The following DRC4 variants were observed in gnomAD, a reference collection of about 807,000 sequenced individuals.
The protein encoded by DRC4 is dynein regulatory complex subunit 4, also known as GAS-11.
chr16:90,020,004 C>A, the DRC4 span: 2 of 699,826 alleles, frequency 2.9e-6, no homozygotes. Flanking sequence ...AGCGCCAAGG[C>A]AGTTTCGATG....
At chr16:90,028,713 G>A in the DRC4 span, among the ~76,000 whole-genome samples, 3 of 152,136 alleles carry the variant, frequency 2.0e-5, no homozygotes, top group South Asian at 2.1e-4. Context: ...TGGCAAGCAC[G>A]GTGCACCCTC....
chr16:90,028,820 T>C, the DRC4 span: 6 of 734,166 alleles, frequency 8.2e-6, 1 homozygote, highest in South Asian at 1.1e-4. Context: ...CTTACCTTCT[T>C]TTGATAGTTG....
chr16:90,042,533 A>G, the DRC4 span: 31 of 1,613,134 alleles, frequency 1.9e-5, no homozygotes, highest in Non-Finnish European at 2.5e-5. Context: ...CCAGGTCTGT[A>G]AGGTACGGCT....
the DRC4 span, chr16:90,020,204 C>G: frequency 2.0e-6 from 1 of 490,042 alleles, no homozygotes; most frequent in African/African-American, 2.0e-5. Context: ...TTTGCAGGAG[C>G]ATTGACTCAT....
chr16:90,023,363 G>C, the DRC4 span, among the ~76,000 whole-genome samples: 2 of 152,288 alleles, frequency 1.3e-5, no homozygotes, highest in East Asian at 3.9e-4. Context: ...GGCCTCATCA[G>C]CTCCATGTCT....
the DRC4 span, chr16:90,020,142 T>A: frequency 3.6e-6 from 2 of 559,312 alleles, no homozygotes; most frequent in Non-Finnish European, 6.4e-6. Context: ...ATATACACAT[T>A]AGATCATTGC....
chr16:90,028,432 C>T, the DRC4 span, among the ~76,000 whole-genome samples: 4 of 151,998 alleles, frequency 2.6e-5, no homozygotes, highest in African/African-American at 9.7e-5. Flanking sequence ...TCGTGATCCA[C>T]TCGCCTCGGC....
chr16:90,025,870 C>CA, the DRC4 span, among the ~76,000 whole-genome samples: 2,155 of 84,476 alleles, frequency 0.026, 53 homozygotes, highest in African/African-American at 0.08. Context: ...GACTCCATCT[C>CA]AAAAAAAAAA....
At chr16:90,035,763 CTTG>C in the DRC4 span, 1 of 1,613,292 alleles carries the variant, frequency 6.2e-7, no homozygotes, top group East Asian at 2.2e-5. Context: ...ACCTCCAGAG[CTTG>C]TTAACTCAGG....
chr16:90,035,515 G>C, the DRC4 span: 1 of 1,308,162 alleles, frequency 7.6e-7, no homozygotes, highest in Non-Finnish European at 1.1e-6. Context: ...CTTTAGTTGA[G>C]GGAGGTGAGT....
the DRC4 span, chr16:90,042,461 TCTC>T: frequency 3.7e-6 from 6 of 1,613,424 alleles, no homozygotes; most frequent in South Asian, 3.3e-5. Flanking sequence ...ATCACCTCTC[TCTC>T]CTCAGGATGT....
the DRC4 span, chr16:90,036,402 A>C: frequency 6.2e-7 from 1 of 1,607,514 alleles, no homozygotes; most frequent in Non-Finnish European, 8.5e-7. Context: ...AAGTATGATA[A>C]GAAGATGAAG....
chr16:90,031,159 T>C, the DRC4 span: 7 of 1,514,432 alleles, frequency 4.6e-6, no homozygotes, highest in Non-Finnish European at 6.2e-6. Context: ...CCTTATATTT[T>C]AACTTTTTAC....
At chr16:90,043,158 G>C in the DRC4 span, 9 of 1,583,128 alleles carry the variant, frequency 5.7e-6, no homozygotes, top group East Asian at 2.0e-4. Context: ...CCTGAGCGTG[G>C]GGACCCTCAG....
At chr16:90,026,029 G>A in the DRC4 span, among the ~76,000 whole-genome samples, 1 of 152,130 alleles carries the variant, frequency 6.6e-6, no homozygotes, top group Non-Finnish European at 1.5e-5. Context: ...TGAGGTGGGA[G>A]TATCAGTTGA....
chr16:90,025,446 C>G, the DRC4 span, among the ~76,000 whole-genome samples: 2 of 150,926 alleles, frequency 1.3e-5, no homozygotes, highest in African/African-American at 4.9e-5. Context: ...GTCAGGAGTT[C>G]GAGTACAGCC....
At chr16:90,033,731 G>A in the DRC4 span, among the ~76,000 whole-genome samples, 1 of 152,052 alleles carries the variant, frequency 6.6e-6, no homozygotes. Flanking sequence ...CTGACAAAAC[G>A]CCTGCCCGAC....
chr16:90,021,847 C>A, the DRC4 span, among the ~76,000 whole-genome samples: 1 of 130,514 alleles, frequency 7.7e-6, no homozygotes, highest in Non-Finnish European at 1.6e-5. Context: ...CAGAAGGAGA[C>A]CCTGTCTCCA....
At chr16:90,044,433 G>A in the DRC4 span, 1 of 459,966 alleles carries the variant, frequency 2.2e-6, no homozygotes. Context: ...TGCCCGGCCA[G>A]CAGGACCTGG....
Sources: allele counts gnomAD v4.1 joint callset (sites outside exome capture counted in the v4.1 genomes callset), GRCh38; gene constraint gnomAD v4.1.1; transcripts MANE v1.5; gene names NCBI Gene and HGNC (gene_info 2026-07-23, HGNC 2026-07-21).